The following USP47 variants were observed in gnomAD, a reference collection of about 807,000 sequenced individuals.
USP47 encodes the protein ubiquitin specific peptidase 47.
A neutral mutation model predicts 165.1 loss-of-function variants in USP47; 35 were observed. That is an observed-to-expected ratio of 0.21 (90% CI 0.16 to 0.28). The LOEUF (loss-of-function observed/expected upper bound fraction) is 0.28. USP47 is among the 10% of genes least tolerant of loss of function. USP47 has a pLI of 1.00. For synonymous variants in USP47, 531 were observed against 544.5 expected, an observed-to-expected ratio of 0.98 and a Z score of 0.35; for missense variants, 1,277 against 1,607.4, an observed-to-expected ratio of 0.79 and a Z score of 3.52.
intron 1 of USP47, among the ~76,000 whole-genome samples, chr11:11,855,400 G>A (rs1455886225): frequency 6.6e-6 from 1 of 152,170 alleles, no homozygotes; most frequent in Non-Finnish European, 1.5e-5. Context: ...CCTGTCAGTG[G>A]TACTATGATG....
intron 8 of USP47, among the ~76,000 whole-genome samples, chr11:11,906,440 A>T (rs1230997707): frequency 6.6e-6 from 1 of 152,198 alleles, no homozygotes; most frequent in African/African-American, 2.4e-5. Context: ...TACTTCTAAG[A>T]TAGTGCTACA....
At chr11:11,947,572 C>T (rs1245730012) in intron 20 of USP47, among the ~76,000 whole-genome samples, 1 of 152,122 alleles carries the variant, frequency 6.6e-6, no homozygotes, top group Non-Finnish European at 1.5e-5. Flanking sequence ...CGGAGGCTGG[C>T]GCCGTGTCCC....
In USP47 at chr11:11,893,877, T is replaced by C. The variant is rs567573966; in HGVS notation, c.496+1771T>C. On this transcript the variant is annotated intron_variant, in intron 4 of 27. Coordinates refer to ENST00000527733, the MANE Select transcript of USP47 (RefSeq NM_001282659.2). ...GTCATCTGTAATCTTTCGTTTACTA[T>C]ATTTTGTAATTAGAATTTAGAATAA... Among the ~76,000 whole-genome samples, 3 of 152,356 alleles carry C rather than the reference T, an allele frequency of 2.0e-5. No individual in the cohort carries two copies. In the South Asian group the frequency reaches 6.2e-4, roughly 32 times the overall value.
At chr11:11,897,426 A>T (rs550534422) in intron 4 of USP47, among the ~76,000 whole-genome samples, 171 bp from the exon 5 acceptor site, 5 of 152,110 alleles carry the variant, frequency 3.3e-5, no homozygotes, top group African/African-American at 1.2e-4. Context: ...TACTTAGAGC[A>T]CATATTAGAA....
chr11:11,867,433 G>T (rs544006343), intron 1 of USP47, among the ~76,000 whole-genome samples: 1 of 152,106 alleles, frequency 6.6e-6, no homozygotes, highest in South Asian at 2.1e-4. Context: ...TAGAAGTTTA[G>T]AAAATGTCTT....
chr11:11,875,592 T>C (rs1850358747), intron 1 of USP47, among the ~76,000 whole-genome samples: 1 of 152,174 alleles, frequency 6.6e-6, no homozygotes, highest in Non-Finnish European at 1.5e-5. Context: ...AACAAGACTA[T>C]GGTTTTATTC....
Position 11,936,197 on chromosome 11 carries a change from G to A in USP47, c.1870-106G>A, listed in dbSNP as rs1414480309. On this transcript the variant is annotated intron_variant, in intron 16 of 27. Transcript: ENST00000527733. ...TGTGTGGATTTTGTTAGGGCCTATT[G>A]TAATGTTATTCCCCAACAGACTAAA... 5.1e-5 allele frequency: 27 copies of A among 532,708 alleles called. No homozygotes were observed. In the East Asian group the frequency reaches 1.1e-3, roughly 23 times the overall value. The allele number at this position is 532,708 out of a possible 1,614,324, so 33.0% of individuals were successfully genotyped here.
At chr11:11,949,292 A>ATGTTATAACATCCTATTGTTATAACATTC (rs1247445137) in intron 22 of USP47, among the ~76,000 whole-genome samples, 5 of 152,136 alleles carry the variant, frequency 3.3e-5, no homozygotes, top group South Asian at 4.1e-4. Flanking sequence ...TATTTTCAGA[A>ATGTTATAACATCCTATTGTTATAACATTC]TGTTATAACA....
intron 1 of USP47, among the ~76,000 whole-genome samples, chr11:11,874,682 C>T (rs1388690908): frequency 6.6e-6 from 1 of 151,782 alleles, no homozygotes; most frequent in Non-Finnish European, 1.5e-5. Context: ...GCCTCAGCCT[C>T]CGGAGTAGCT....
intron 1 of USP47, chr11:11,873,904 A>G: frequency 8.8e-7 from 1 of 1,132,366 alleles, no homozygotes; most frequent in South Asian, 1.8e-5. Context: ...TCAGCAGAGC[A>G]AGTAACAGCA....
At position 11,929,580 on chromosome 11, in the gene USP47, TTTAAGA is replaced by T; in HGVS notation, c.1518+19_1518+24del. On this transcript the variant is annotated intron_variant, in intron 12 of 27. Coordinates refer to ENST00000527733, the MANE Select transcript of USP47 (RefSeq NM_001282659.2). ...ATGTCAGCAGGGTAAGGAGGTGTCC[TTTAAGA>T]TTATTACTCTGAAAGGTGGGAGTAA... 6.2e-7 allele frequency: 1 copy of T among 1,608,534 alleles called. No homozygotes were observed. Among genetic ancestry groups the T allele is most frequent in the Non-Finnish European group, 8.5e-7 (1 of 1,177,694 alleles).
intron 20 of USP47, among the ~76,000 whole-genome samples, chr11:11,946,607 A>G (rs1855859007): frequency 6.6e-6 from 1 of 152,190 alleles, no homozygotes; most frequent in Non-Finnish European, 1.5e-5. Context: ...TAGGCTTTCC[A>G]TTTCTAATCC....
At chr11:11,946,626 T>G (rs1348879922) in intron 20 of USP47, among the ~76,000 whole-genome samples, 1 of 152,160 alleles carries the variant, frequency 6.6e-6, no homozygotes, top group African/African-American at 2.4e-5. Context: ...CCGGTAATTT[T>G]TGCATTACAC....
chr11:11,921,537 T>G (rs1468406360), intron 10 of USP47, among the ~76,000 whole-genome samples: 2 of 151,878 alleles, frequency 1.3e-5, no homozygotes, highest in East Asian at 3.8e-4. Context: ...CTATGATCAA[T>G]AACATTTTGA....
chr11:11,942,695 C>G lies in USP47; in HGVS notation c.2674C>G (p.Leu892Val). The G allele has an allele frequency of 1.2e-6, 2 of 1,613,596 alleles. No homozygotes were observed. Among genetic ancestry groups the G allele is most frequent in the African/African-American group, 1.3e-5 (1 of 75,012 alleles). ...TSDFENIESP[L>V]NERDSSASVD... ...TGACTTTGAAAACATCGAATCACCT[C>G]TCAATGAGAGGGACTCTTCAGCATC... The change falls in exon 20 of 28, where the codon CTC becomes GTC. Residue 892 changes from leucine (L) to valine (V), a missense_variant. Physicochemically the swap from Leu to Val is conservative, Grantham distance 32 (BLOSUM62 1). This residue lies in a region of USP47 where 909 missense variants were observed against 1,068.1 expected (regional missense o/e 0.85). Transcript: ENST00000527733.
chr11:11,853,240 CTATTGTAAA>C (rs1848827240), intron 1 of USP47, among the ~76,000 whole-genome samples: 1 of 151,980 alleles, frequency 6.6e-6, no homozygotes, highest in Non-Finnish European at 1.5e-5. Flanking sequence ...ATTTAAATAC[CTATTGTAAA>C]TTAAAGTTCC....
chr11:11,860,767 G>T (rs1849335321), intron 1 of USP47, among the ~76,000 whole-genome samples: 1 of 152,122 alleles, frequency 6.6e-6, no homozygotes, highest in African/African-American at 2.4e-5. Context: ...TTCGCCTCCT[G>T]AGAATAGTTT....
At chr11:11,864,811 C>G in intron 1 of USP47, among the ~76,000 whole-genome samples, 1 of 151,880 alleles carries the variant, frequency 6.6e-6, no homozygotes. Flanking sequence ...AGATAACTTT[C>G]TTTAGCCATT....
chr11:11,866,175 G>C (rs1201426414), intron 1 of USP47, among the ~76,000 whole-genome samples: 2 of 151,816 alleles, frequency 1.3e-5, no homozygotes, highest in Non-Finnish European at 2.9e-5. Flanking sequence ...TCTATTTTTA[G>C]TTAATCTTTG....
Sources: allele counts gnomAD v4.1 joint callset (sites outside exome capture counted in the v4.1 genomes callset), GRCh38; gene constraint gnomAD v4.1.1; regional missense constraint gnomAD v4.1.1; transcripts MANE v1.5; gene names NCBI Gene and HGNC (gene_info 2026-07-23, HGNC 2026-07-21).